The following ERG variants were observed in gnomAD, a reference collection of about 807,000 sequenced individuals.
ERG encodes transcriptional regulator ERG.
ERG carries 9 observed loss-of-function variants against 55.3 expected under a neutral mutation model. The observed-to-expected ratio is 0.16, with a 90% confidence interval of 0.10 to 0.28. The LOEUF is 0.28. ERG is among the 10% of genes least tolerant of loss of function. The pLI is 1.00. For synonymous variants in ERG, 223 were observed against 237.3 expected, an observed-to-expected ratio of 0.94 and a Z score of 0.55; for missense variants, 434 against 631.6, an observed-to-expected ratio of 0.69 and a Z score of 3.35.
At chr21:38,377,277 C>T (rs1266625890), downstream of ERG, among the ~76,000 whole-genome samples, 6 of 152,154 alleles carry the variant, frequency 3.9e-5, no homozygotes, top group African/African-American at 4.8e-5. Flanking sequence ...AAAATGATAT[C>T]CATTGGGAGG....
At position 38,383,375 on chromosome 21, in the gene ERG, G is replaced by C; in HGVS notation, c.*28C>G. 6.8e-7 allele frequency: 1 copy of C among 1,473,652 alleles called. No individual in the cohort carries two copies. Among genetic ancestry groups the C allele is most frequent in the South Asian group, 1.6e-5 (1 of 62,918 alleles). The allele number at this position is 1,473,652 out of a possible 1,614,324, so 91.3% of individuals were successfully genotyped here. A position where few individuals can be genotyped will look rare whatever the true frequency, so the allele number is the denominator to read the frequency against. On this transcript the variant is annotated 3_prime_UTR_variant, in exon 10 of 10. Transcript: ENST00000288319. This position sits in a 1 kb window ranked among gnomAD's most constrained non-coding sequence, Gnocchi z 5.7. ...TGTGGCGATGGGCTGGTGAATGCACGCTGATGGGAAAAGCCTCCGCCAGGT... is the reference window on the plus strand; with the variant it reads ...TGTGGCGATGGGCTGGTGAATGCACCCTGATGGGAAAAGCCTCCGCCAGGT...
At chr21:38,454,273 C>A (rs1202382003) in intron 1 of ERG, among the ~76,000 whole-genome samples, 2 of 152,114 alleles carry the variant, frequency 1.3e-5, no homozygotes, top group African/African-American at 4.8e-5. Flanking sequence ...TCTGGTAGAG[C>A]ACGGGAGCCA....
intron 1 of ERG, among the ~76,000 whole-genome samples, chr21:38,453,263 G>A (rs536714300): frequency 1.3e-5 from 2 of 152,328 alleles, no homozygotes; most frequent in South Asian, 2.1e-4. Context: ...GAAAATGAAC[G>A]TTTGCAAAAG....
chr21:38,652,097 T>C (rs776427524), intron 1 of ERG, among the ~76,000 whole-genome samples: 2 of 152,290 alleles, frequency 1.3e-5, no homozygotes, highest in East Asian at 1.9e-4. Context: ...ACCTGAGATA[T>C]TGAAGTAGGT....
intron 2 of ERG, among the ~76,000 whole-genome samples, chr21:38,522,020 A>G (rs2059598542): frequency 1.3e-5 from 2 of 152,200 alleles, no homozygotes; most frequent in African/African-American, 4.8e-5. Flanking sequence ...GTTATAACTG[A>G]TGTCATATAC....
At chr21:38,426,343 C>G (rs541668786) in intron 2 of ERG, among the ~76,000 whole-genome samples, 1 of 152,240 alleles carries the variant, frequency 6.6e-6, no homozygotes, top group African/African-American at 2.4e-5. Flanking sequence ...TGGAAAATTC[C>G]ATCAGTTGAG....
At chr21:38,485,377 T>C (rs530647974) in intron 1 of ERG, among the ~76,000 whole-genome samples, 2 of 152,102 alleles carry the variant, frequency 1.3e-5, no homozygotes, top group African/African-American at 4.8e-5. Context: ...GTTTAAAAAA[T>C]TAATAAGTAA....
At chr21:38,507,871 C>G (rs1297611226) in intron 2 of ERG, among the ~76,000 whole-genome samples, 1 of 145,078 alleles carries the variant, frequency 6.9e-6, no homozygotes, top group Non-Finnish European at 1.5e-5. Context: ...TTTAAACTGC[C>G]TGCTGACCAT....
At chr21:38,634,797 A>T (rs1230610750) in intron 1 of ERG, among the ~76,000 whole-genome samples, 1 of 152,238 alleles carries the variant, frequency 6.6e-6, no homozygotes, top group Non-Finnish European at 1.5e-5. Context: ...TTACAATGGC[A>T]CAGCATGTCA....
At chr21:38,398,241 C>G (rs904245204) in intron 6 of ERG, among the ~76,000 whole-genome samples, 1 of 152,130 alleles carries the variant, frequency 6.6e-6, no homozygotes, top group African/African-American at 2.4e-5. Flanking sequence ...AGGTTCACAG[C>G]TTTTATCTCC....
Position 38,480,591 on chromosome 21 carries a change from C to CTTTTTTTTTTTTTTTTTTTTTT in ERG, c.18+17750_18+17771dup, listed in dbSNP as rs544037525. ...TTGCCACTTTAGGGCACTATATGGC[C>CTTTTTTTTTTTTTTTTTTTTTT]TTTTTTTTTTTTTTTTTTTTTTTGC... On this transcript the variant is annotated intron_variant, in intron 1 of 9. Transcript: ENST00000288319. Among the ~76,000 whole-genome samples, 30 of 51,124 alleles carry CTTTTTTTTTTTTTTTTTTTTTT rather than the reference C, an allele frequency of 5.9e-4. 6 individuals are homozygous for CTTTTTTTTTTTTTTTTTTTTTT. The highest frequency in any genetic ancestry group is 9.3e-4 in the Non-Finnish European group (27 of 29,100). The allele number at this position is 51,124 out of a possible 152,430, so 33.5% of individuals were successfully genotyped here.
rs543795187 is a variant in ERG at position 38,381,391 on chromosome 21, C to G, written c.*2012G>C. The G allele has an allele frequency of 3.0e-5, 32 of 1,063,174 alleles. No homozygotes were observed. In the Admixed American group the frequency reaches 4.3e-4, roughly 14 times the overall value. The allele number at this position is 1,063,174 out of a possible 1,614,324, so 65.9% of individuals were successfully genotyped here. A position where few individuals can be genotyped will look rare whatever the true frequency, so the allele number is the denominator to read the frequency against. On this transcript the variant is annotated 3_prime_UTR_variant, in exon 10 of 10. Transcript: ENST00000288319. ...GAAAAGATGCCCAGGGAAACTGACT[C>G]TAGATTATGGAAATAAACATTGTCT...
At chr21:38,451,925 T>C (rs1273627042) in intron 1 of ERG, among the ~76,000 whole-genome samples, 3 of 152,260 alleles carry the variant, frequency 2.0e-5, no homozygotes, top group Non-Finnish European at 4.4e-5. Flanking sequence ...GGTATGATCA[T>C]TTTTGCCCCT....
intron 1 of ERG, among the ~76,000 whole-genome samples, chr21:38,463,567 C>T (rs564738675): frequency 2.6e-5 from 4 of 152,188 alleles, no homozygotes; most frequent in East Asian, 1.9e-4. Context: ...CTAAGTGTGT[C>T]GACTGGATGA....
chr21:38,409,482 G>A (rs955025432), intron 3 of ERG, among the ~76,000 whole-genome samples: 3 of 109,950 alleles, frequency 2.7e-5, no homozygotes, highest in South Asian at 3.2e-4. Flanking sequence ...GCGAAACTCC[G>A]TCTCATAAAA....
At position 38,459,902 on chromosome 21, in the gene ERG, C is replaced by T. The variant is rs57601009; in HGVS notation, c.19-14281G>A. On this transcript the variant is annotated intron_variant, in intron 1 of 9. Transcript: ENST00000288319. ...TAATTTTTGAAAATCAATTAATCAA[C>T]CAATAATTGATAGGGTAAATTTATA... Among the ~76,000 whole-genome samples, 373 of 152,230 alleles carry T rather than the reference C, an allele frequency of 2.5e-3. 11 individuals are homozygous for T. The East Asian group carries it at 0.062, about 25-fold the overall frequency.
chr21:38,454,854 A>G (rs1433417365), intron 1 of ERG, among the ~76,000 whole-genome samples: 1 of 152,222 alleles, frequency 6.6e-6, no homozygotes, highest in Non-Finnish European at 1.5e-5. Flanking sequence ...AGGGAGATCT[A>G]GCATCTTTTA....
intron 6 of ERG, among the ~76,000 whole-genome samples, chr21:38,394,591 A>T (rs183222125): frequency 2.0e-5 from 3 of 152,198 alleles, no homozygotes; most frequent in Non-Finnish European, 4.4e-5. Context: ...TGACCCCGTG[A>T]TCCGCCCGCC....
intron 2 of ERG, among the ~76,000 whole-genome samples, chr21:38,443,208 G>A (rs953788242): frequency 1.3e-5 from 2 of 152,162 alleles, no homozygotes; most frequent in African/African-American, 4.8e-5. Flanking sequence ...GTCTCCCTTC[G>A]GAGGCTTGCT....
Sources: gnomAD v4.1 joint callset for allele counts (sites outside exome capture counted in the v4.1 genomes callset) on GRCh38, gnomAD v4.1.1 for gene constraint, Gnocchi (gnomAD v3.1) non-coding constraint, MANE v1.5 for transcripts, NCBI Gene and HGNC (gene_info 2026-07-23, HGNC 2026-07-21) for gene names.